RIMBP2: variants seen among roughly 807,000 people sequenced by gnomAD.
The protein encoded by RIMBP2 is RIMS-binding protein 2.
A neutral mutation model predicts 118.6 loss-of-function variants in RIMBP2; 48 were observed. The ratio of observed to expected loss-of-function variants is 0.40; its 90% CI spans 0.32 to 0.51. RIMBP2 has a LOEUF of 0.51. Among genes scored for constraint, RIMBP2 ranks in the 20% least tolerant of loss-of-function variants. The pLI, the probability that RIMBP2 is intolerant of heterozygous loss-of-function variation, is 0.41. For missense variants in RIMBP2, 1,551 were observed against 1,768.3 expected (o/e 0.88, Z 2.20); for synonymous variants, 762 against 742.9 (o/e 1.03, Z -0.42).
rs2065977012 is a variant in RIMBP2 at position 130,703,888 on chromosome 12, G to C, written c.-352+12334C>G. Among the ~76,000 whole-genome samples the C allele has an allele frequency of 6.6e-6, 1 of 152,116 alleles. No individual in the cohort carries two copies. The highest frequency in any genetic ancestry group is 2.4e-5 in the African/African-American group (1 of 41,424). ...AGCCTGAGCCTGAACGCAGCGCAGA[G>C]GTCTGGGGCCCGACCACCCTGGGAG... is the stretch of plus-strand genomic sequence containing the variant. On this transcript the variant is annotated intron_variant, in intron 1 of 22. Coordinates refer to ENST00000690449, the MANE Select transcript of RIMBP2 (RefSeq NM_001393629.1). This position sits in a 1 kb window ranked among gnomAD's most constrained non-coding sequence, Gnocchi z 5.7.
intron 2 of RIMBP2, among the ~76,000 whole-genome samples, chr12:130,535,880 G>A (rs758583575): frequency 6.6e-6 from 1 of 151,528 alleles, no homozygotes; most frequent in Non-Finnish European, 1.5e-5. Flanking sequence ...CTGGGCTCAG[G>A]TGATCCTCCT....
intron 2 of RIMBP2, among the ~76,000 whole-genome samples, chr12:130,601,340 A>G (rs1424429090): frequency 9.2e-6 from 1 of 108,392 alleles, no homozygotes; most frequent in South Asian, 3.8e-4. Context: ...GCAGGCAAAA[A>G]AAAAAAAAAA....
chr12:130,415,266 T>C (rs11060874), intron 17 of RIMBP2, among the ~76,000 whole-genome samples: 14,615 of 152,250 alleles, frequency 0.096, 802 homozygotes, highest in South Asian at 0.2. Context: ...TCAATAAATA[T>C]GATTCACCAC....
chr12:130,422,476 C>T lies in RIMBP2; in HGVS notation c.3215G>A (p.Arg1072Gln), dbSNP rs765361753. The T allele has an allele frequency of 2.9e-5, 47 of 1,612,408 alleles. No individual in the cohort carries two copies. The highest frequency in any genetic ancestry group is 1.1e-4 in the African/African-American group (8 of 74,898). Residue 1072 changes from arginine to glutamine, a missense_variant, in exon 17 of 23, where the codon CGG (arginine) becomes CAG (glutamine). Transcript: ENST00000690449. The surrounding 1 kb of genome is among the most constrained non-coding windows in gnomAD (Gnocchi z 5.2). ...PRGSAGPQRS[R>Q]PVTVPSIDDY... Reference sequence around the variant, plus strand: ...ACCGATGGATGGGACTGTCACGGGCCGGGACCTCTGAGGACCAGCGCTGCC... The same window carrying T: ...ACCGATGGATGGGACTGTCACGGGCTGGGACCTCTGAGGACCAGCGCTGCC...
intron 4 of RIMBP2, among the ~76,000 whole-genome samples, chr12:130,479,919 C>A (rs2081813674): frequency 6.6e-6 from 1 of 151,882 alleles, no homozygotes; most frequent in South Asian, 2.1e-4. Context: ...TCCCTCCCCT[C>A]TGACGGGTCT....
intron 13 of RIMBP2, among the ~76,000 whole-genome samples, chr12:130,435,950 A>G (rs2137016690): frequency 6.6e-6 from 1 of 152,250 alleles, no homozygotes; most frequent in Non-Finnish European, 1.5e-5. Flanking sequence ...CCCGGCCCCC[A>G]GCCCAGAGGA....
At chr12:130,498,036 C>T (rs1202297209) in intron 4 of RIMBP2, among the ~76,000 whole-genome samples, 1 of 152,254 alleles carries the variant, frequency 6.6e-6, no homozygotes, top group South Asian at 2.1e-4. Flanking sequence ...ATACAGTCAC[C>T]TGTGAGCCCC....
At chr12:130,480,164 C>T (rs2081838285) in intron 4 of RIMBP2, among the ~76,000 whole-genome samples, 1 of 150,568 alleles carries the variant, frequency 6.6e-6, no homozygotes, top group Admixed American at 6.6e-5. Flanking sequence ...AAACCAGCTG[C>T]AAAATGCTAG....
chr12:130,491,728 CCCCGCGCAGAGACCTT>C (rs1349068226), intron 4 of RIMBP2, among the ~76,000 whole-genome samples: 1 of 152,222 alleles, frequency 6.6e-6, no homozygotes, highest in African/African-American at 2.4e-5. Flanking sequence ...GCTTCCGCCT[CCCCGCGCAGAGACCTT>C]CCCAGGGCAC....
intron 1 of RIMBP2, among the ~76,000 whole-genome samples, chr12:130,709,731 C>T (rs1052940245): frequency 6.6e-6 from 1 of 152,100 alleles, no homozygotes; most frequent in Non-Finnish European, 1.5e-5. Flanking sequence ...GAAACCCCCC[C>T]CCTTCCCACC....
chr12:130,440,938 G>A (rs1381916415), intron 11 of RIMBP2, among the ~76,000 whole-genome samples: 2 of 152,090 alleles, frequency 1.3e-5, no homozygotes, highest in East Asian at 1.9e-4. Context: ...CTGGCGAGTC[G>A]GAGAGCAAGA....
chr12:130,465,105 C>G (rs1325198123), intron 6 of RIMBP2: 1 of 152,292 alleles, frequency 6.6e-6, no homozygotes. Context: ...AAAGGCCACA[C>G]AGCCCACAAT....
Position 130,438,348 on chromosome 12 carries a change from A to AAAAAAAACCCCAG in RIMBP2, c.1656+16_1656+17insCTGGGGTTTTTTT. On this transcript the variant is annotated intron_variant, in intron 12 of 22. Transcript: ENST00000690449. ...AGGGCCTAACAAACCCTCCCCACCC[A>AAAAAAAACCCCAG]CCCAACGAAAACTCACCCTCTGCCC... 1 of 654,556 alleles carries AAAAAAAACCCCAG rather than the reference A, an allele frequency of 1.5e-6. No homozygotes were observed. The highest frequency in any genetic ancestry group is 2.4e-6 in the Non-Finnish European group (1 of 412,500). The allele number at this position is 654,556 out of a possible 1,614,324, so 40.5% of individuals were successfully genotyped here.
At chr12:130,664,421 G>A (rs77374203) in intron 1 of RIMBP2, among the ~76,000 whole-genome samples, 2 of 80,822 alleles carry the variant, frequency 2.5e-5, no homozygotes, top group Admixed American at 1.1e-4. Flanking sequence ...GCACACACAC[G>A]CACACACATG....
In RIMBP2 at chr12:130,450,029, A is replaced by G. The variant is rs2078863468; in HGVS notation, c.581+171T>C. 6.6e-6 allele frequency among the ~76,000 whole-genome samples: 1 copy of G among 151,890 alleles called. No homozygotes were observed. Among genetic ancestry groups the G allele is most frequent in the African/African-American group, 2.4e-5 (1 of 41,328 alleles). On this transcript the variant is annotated intron_variant, in intron 9 of 22. Coordinates refer to ENST00000690449, the MANE Select transcript of RIMBP2 (RefSeq NM_001393629.1). The surrounding 1 kb of genome is among the most constrained non-coding windows in gnomAD (Gnocchi z 4.8). ...GGCAGCCCTGGGAGACTTGCGTGCC[A>G]CCCAAACTCTCTCCACCGAACCCTG...
At chr12:130,599,380 G>A (rs760400669) in intron 2 of RIMBP2, among the ~76,000 whole-genome samples, 3 of 152,134 alleles carry the variant, frequency 2.0e-5, no homozygotes, top group Non-Finnish European at 2.9e-5. Flanking sequence ...ACAAGAGAGC[G>A]TATGCAGATT....
chr12:130,607,181 GA>G (rs1288416096), intron 2 of RIMBP2, among the ~76,000 whole-genome samples: 1 of 152,170 alleles, frequency 6.6e-6, no homozygotes, highest in Admixed American at 6.5e-5. Context: ...CTGAGGTGTA[GA>G]AAGTATTCCT....
chr12:130,605,921 A>G (rs1399951841), intron 2 of RIMBP2, among the ~76,000 whole-genome samples: 5 of 152,142 alleles, frequency 3.3e-5, no homozygotes, highest in African/African-American at 9.7e-5. Flanking sequence ...GAAAAAAATT[A>G]GCCAGGCATG....
rs142989103 is a variant in RIMBP2 at position 130,451,251 on chromosome 12, C to G, written c.448G>C (p.Ala150Pro). 3.6e-3 allele frequency: 5,813 copies of G among 1,614,146 alleles called. 189 individuals are homozygous for G. In the East Asian group the frequency reaches 0.062, roughly 17 times the overall value. The change falls in exon 8 of 23, where the codon GCC (alanine) becomes CCC (proline). Residue 150 changes from alanine (A) to proline (P), a missense_variant. By Grantham distance (27) the Ala-to-Pro change is conservative. This residue lies in a region of RIMBP2 where 239 missense variants were observed against 256.8 expected (regional missense o/e 0.93). Coordinates refer to ENST00000690449, the MANE Select transcript of RIMBP2 (RefSeq NM_001393629.1). ...GATCTCGACAGGAAGGTGGGCTTGG[C>G]GGACAGAGGCTCCGGCCTGTCACCA... The part of the protein sequence containing the change: ...QPGDRPEPLS[A>P]KPTFLSRSGS...
Sources: gnomAD v4.1 joint callset for allele counts (sites outside exome capture counted in the v4.1 genomes callset) on GRCh38, gnomAD v4.1.1 for gene constraint, gnomAD v4.1.1 regional missense constraint, Gnocchi (gnomAD v3.1) non-coding constraint, MANE v1.5 for transcripts, NCBI Gene and HGNC (gene_info 2026-07-23, HGNC 2026-07-21) for gene names.